CNTNAP2: variants seen among roughly 807,000 people sequenced by gnomAD.
CNTNAP2 encodes the protein contactin-associated protein-like 2.
Under a neutral mutation model 155.2 loss-of-function variants are expected in CNTNAP2, and 98 were observed. The ratio of observed to expected loss-of-function variants is 0.63; its 90% CI spans 0.54 to 0.75. The LOEUF (loss-of-function observed/expected upper bound fraction) is 0.75, where lower values mean the gene tolerates loss of function less well. Ranked by LOEUF, CNTNAP2 falls within the 30% of genes least tolerant of loss-of-function variation. The pLI is 0.00. For missense variants in CNTNAP2, 1,727 were observed against 1,688.1 expected (o/e 1.02, Z -0.40); for synonymous variants, 651 against 631.2 (o/e 1.03, Z -0.47).
At chr7:146,808,160 A>G (rs557825870) in intron 2 of CNTNAP2, among the ~76,000 whole-genome samples, 5 of 152,328 alleles carry the variant, frequency 3.3e-5, no homozygotes, top group African/African-American at 7.2e-5. Flanking sequence ...AATATAATTT[A>G]TTCATTGAAG....
At chr7:147,247,894 T>C (rs773472572) in intron 8 of CNTNAP2, among the ~76,000 whole-genome samples, 4 of 152,116 alleles carry the variant, frequency 2.6e-5, no homozygotes, top group African/African-American at 4.8e-5. Context: ...ACGTTTAGGT[T>C]CAGTTTTAGG....
intron 2 of CNTNAP2, among the ~76,000 whole-genome samples, chr7:146,821,283 G>A (rs562095084): frequency 2.0e-5 from 3 of 152,296 alleles, no homozygotes; most frequent in East Asian, 3.9e-4. Context: ...ATTTTGGCAT[G>A]TTTTTGCAGT....
chr7:147,116,107 CT>C (rs1185175282), intron 5 of CNTNAP2, among the ~76,000 whole-genome samples: 1 of 152,142 alleles, frequency 6.6e-6, no homozygotes, highest in Non-Finnish European at 1.5e-5. Flanking sequence ...ACTCGAGACA[CT>C]AGTTGCCTCT....
At chr7:146,577,578 A>C (rs1484661616) in intron 1 of CNTNAP2, among the ~76,000 whole-genome samples, 1 of 152,090 alleles carries the variant, frequency 6.6e-6, no homozygotes, top group Non-Finnish European at 1.5e-5. Flanking sequence ...GGGAATCAAG[A>C]AAATTTTCAA....
intron 15 of CNTNAP2, among the ~76,000 whole-genome samples, chr7:148,069,637 G>A (rs1803342604): frequency 6.6e-6 from 1 of 151,886 alleles, no homozygotes; most frequent in African/African-American, 2.4e-5. Context: ...GCGGGCGCCT[G>A]TAGTCCCAGC....
At chr7:146,970,192 A>G (rs1300327180) in intron 3 of CNTNAP2, among the ~76,000 whole-genome samples, 1 of 152,178 alleles carries the variant, frequency 6.6e-6, no homozygotes, top group Non-Finnish European at 1.5e-5. Context: ...ATGGCAACAA[A>G]AGACAAAATT....
intron 3 of CNTNAP2, among the ~76,000 whole-genome samples, chr7:146,917,921 G>A (rs959035301): frequency 6.6e-5 from 10 of 152,138 alleles, no homozygotes; most frequent in African/African-American, 2.4e-4. Flanking sequence ...GTCTCTATCA[G>A]CAGTGTAAAA....
In CNTNAP2 at chr7:148,176,017, A is replaced by G. The variant is rs548359708; in HGVS notation, c.3010+3539A>G. 1.2e-4 allele frequency among the ~76,000 whole-genome samples: 18 copies of G among 152,008 alleles called. No homozygotes were observed. In the South Asian group the frequency reaches 3.7e-3, roughly 32 times the overall value. On this transcript the variant is annotated intron_variant, in intron 18 of 23. Coordinates refer to ENST00000361727, the MANE Select transcript of CNTNAP2 (RefSeq NM_014141.6). ...GCTGGAGTGTATAGTTGAATATGTAAGTGAAATTACCGTGTCTTGTCACTT... is the reference window on the plus strand; with the variant it reads ...GCTGGAGTGTATAGTTGAATATGTAGGTGAAATTACCGTGTCTTGTCACTT...
chr7:146,266,524 G>A (rs1049129816), intron 1 of CNTNAP2, among the ~76,000 whole-genome samples: 2 of 152,100 alleles, frequency 1.3e-5, no homozygotes, highest in Non-Finnish European at 2.9e-5. Context: ...AATTTAACTT[G>A]TGGAGAGACT....
In CNTNAP2 at chr7:147,562,079, T is replaced by C; in HGVS notation, c.1778-59T>C. Reference sequence around the variant, plus strand: ...GCATTGCAATATGCCACTGGGACATTTATCTGGGGAGCCATTTGTTCTGTG... The same window carrying C: ...GCATTGCAATATGCCACTGGGACATCTATCTGGGGAGCCATTTGTTCTGTG... On this transcript the variant is annotated intron_variant, in intron 11 of 23. Coordinates refer to ENST00000361727, the MANE Select transcript of CNTNAP2 (RefSeq NM_014141.6). 3 of 1,611,452 alleles carry C rather than the reference T, an allele frequency of 1.9e-6. No individual in the cohort carries two copies. In the South Asian group the frequency reaches 3.3e-5, roughly 18 times the overall value.
At chr7:148,338,699 A>G (rs1028157037) in intron 21 of CNTNAP2, among the ~76,000 whole-genome samples, 1 of 152,208 alleles carries the variant, frequency 6.6e-6, no homozygotes, top group Non-Finnish European at 1.5e-5. Flanking sequence ...TTCTTTGAGA[A>G]GCAACATAAA....
intron 8 of CNTNAP2, among the ~76,000 whole-genome samples, chr7:147,289,433 A>G (rs1323727779): frequency 6.6e-6 from 1 of 151,860 alleles, no homozygotes; most frequent in Non-Finnish European, 1.5e-5. Context: ...ACAATTGGGG[A>G]GAGTGAGAAA....
chr7:147,147,812 C>CA (rs907914844), intron 8 of CNTNAP2, among the ~76,000 whole-genome samples: 9 of 150,684 alleles, frequency 6.0e-5, no homozygotes, highest in Non-Finnish European at 1.0e-4. Flanking sequence ...TTGATCGCTA[C>CA]AAAAAAAAGT....
intron 3 of CNTNAP2, among the ~76,000 whole-genome samples, chr7:146,901,059 G>T (rs998966154): frequency 2.0e-5 from 3 of 147,264 alleles, no homozygotes; most frequent in African/African-American, 7.7e-5. Context: ...TAATAATAAT[G>T]TTTCTTTATC....
intron 19 of CNTNAP2, among the ~76,000 whole-genome samples, chr7:148,226,347 G>A (rs757864512): frequency 1.3e-5 from 2 of 152,074 alleles, no homozygotes; most frequent in Non-Finnish European, 2.9e-5. Context: ...CACACGAGCA[G>A]GGCAGAAGAG....
chr7:147,975,843 T>C (rs1801418523), intron 14 of CNTNAP2, among the ~76,000 whole-genome samples: 1 of 152,110 alleles, frequency 6.6e-6, no homozygotes. Flanking sequence ...CCTACCATGA[T>C]AGTCAGTGGG....
At position 147,067,018 on chromosome 7, in the gene CNTNAP2, C is replaced by T. The variant is rs368945835; in HGVS notation, c.550+22964C>T. ...CTTCTTAAGGTGGGACTAGGCTGGG[C>T]GCATTGGCTGACGCCTGTAATCCCA... On this transcript the variant is annotated intron_variant, in intron 4 of 23. Transcript: ENST00000361727. 4.6e-5 allele frequency among the ~76,000 whole-genome samples: 7 copies of T among 152,184 alleles called. No homozygotes were observed. In the East Asian group the frequency reaches 7.8e-4, roughly 17 times the overall value.
At chr7:147,167,469 GC>G in intron 8 of CNTNAP2, 1 of 1,069,352 alleles carries the variant, frequency 9.4e-7, no homozygotes, top group Admixed American at 1.9e-5. Context: ...TGCCATGCCT[GC>G]CCCTGCCCCA....
intron 1 of CNTNAP2, among the ~76,000 whole-genome samples, chr7:146,268,619 TGAGTA>T (rs142681874): frequency 0.014 from 2,207 of 152,264 alleles, 54 homozygotes; most frequent in African/African-American, 0.049. Context: ...AAACAGCTCC[TGAGTA>T]GAGTGGTCTG....
Sources: allele counts gnomAD v4.1 joint callset (sites outside exome capture counted in the v4.1 genomes callset), GRCh38; gene constraint gnomAD v4.1.1; transcripts MANE v1.5; gene names NCBI Gene and HGNC (gene_info 2026-07-23, HGNC 2026-07-21).